The following FANCL variants were observed in gnomAD, a reference collection of about 807,000 sequenced individuals.
FANCL encodes E3 ubiquitin-protein ligase FANCL.
In FANCL, 69 loss-of-function variants were observed where a neutral mutation model predicts 59.4. That is an observed-to-expected ratio of 1.16 (90% CI 0.96 to 1.42). The LOEUF is 1.42. FANCL is among the 40% of genes most tolerant of loss of function. The pLI is 0.00. For synonymous variants in FANCL, 180 were observed against 147.1 expected (o/e 1.22, Z -1.62); for missense variants, 519 against 447.2 (o/e 1.16, Z -1.45).
rs150023740 is a variant in FANCL at position 58,186,206 on chromosome 2, A to G, written c.540+12388T>C. On this transcript the variant is annotated intron_variant, in intron 7 of 13. Transcript: ENST00000233741. Reference sequence around the variant, plus strand: ...AGTTATACTGCTTAGGAGGTCATATATAATTGCATAGGTTTTGTTCAATCT... The same window carrying G: ...AGTTATACTGCTTAGGAGGTCATATGTAATTGCATAGGTTTTGTTCAATCT... Among the ~76,000 whole-genome samples the G allele has an allele frequency of 1.8e-4, 28 of 152,342 alleles. No homozygotes were observed. In the East Asian group the frequency reaches 5.2e-3, roughly 28 times the overall value.
At chr2:58,162,499 T>A (rs986954712) in intron 11 of FANCL, among the ~76,000 whole-genome samples, 1 of 151,022 alleles carries the variant, frequency 6.6e-6, no homozygotes, top group African/African-American at 2.4e-5. Flanking sequence ...ATACACAGAT[T>A]TTTTTTTTAA....
intron 7 of FANCL, among the ~76,000 whole-genome samples, chr2:58,166,163 G>C (rs955058739): frequency 6.6e-6 from 1 of 151,628 alleles, no homozygotes; most frequent in African/African-American, 2.4e-5. Context: ...ATAGTAATGA[G>C]TACAAGATGT....
At position 58,217,145 on chromosome 2, in the gene FANCL, TTA is replaced by T. The variant is rs1230849426; in HGVS notation, c.374+4795_374+4796del. On this transcript the variant is annotated intron_variant, in intron 5 of 13. Transcript: ENST00000233741. The stretch of plus-strand genomic sequence containing the variant: ...TATATATATATTTTTATATATAGAT[TTA>T]TATATATATTTATATATTTTATATA... Among the ~76,000 whole-genome samples the T allele has an allele frequency of 7.4e-5, 5 of 67,628 alleles. No individual in the cohort carries two copies. In the East Asian group the frequency reaches 2.3e-3, roughly 31 times the overall value. The allele number at this position is 67,628 out of a possible 152,430, so 44.4% of individuals were successfully genotyped here.
chr2:58,167,977 G>GA (rs1293918762), intron 7 of FANCL, among the ~76,000 whole-genome samples: 4 of 151,404 alleles, frequency 2.6e-5, no homozygotes, highest in African/African-American at 4.9e-5. Context: ...TCCCCAAATT[G>GA]AAAAAAATAA....
At chr2:58,165,602 T>C in intron 8 of FANCL, 122 bp downstream of exon 8, 1 of 1,272,326 alleles carries the variant, frequency 7.9e-7, no homozygotes, top group Non-Finnish European at 1.1e-6. Flanking sequence ...AAGTTTATAC[T>C]AGAAAATTTT....
chr2:58,206,267 C>A (rs539794965), intron 5 of FANCL, among the ~76,000 whole-genome samples: 2 of 152,112 alleles, frequency 1.3e-5, no homozygotes, highest in South Asian at 2.1e-4. Flanking sequence ...TAGCTAAATT[C>A]TTTTTCATTA....
intron 7 of FANCL, among the ~76,000 whole-genome samples, chr2:58,172,927 C>T (rs1157750135): frequency 6.6e-6 from 1 of 152,110 alleles, no homozygotes; most frequent in Non-Finnish European, 1.5e-5. Flanking sequence ...ATAACCAATA[C>T]AGAGAAGTGC....
chr2:58,165,998 C>T, intron 7 of FANCL, 124 bp from the exon 8 acceptor site: 1 of 877,644 alleles, frequency 1.1e-6, no homozygotes, highest in Non-Finnish European at 1.8e-6. Context: ...AAGTAGACTC[C>T]AGTAAACAGT....
intron 5 of FANCL, among the ~76,000 whole-genome samples, chr2:58,212,297 T>C (rs1031293547): frequency 6.6e-6 from 1 of 152,192 alleles, no homozygotes; most frequent in Non-Finnish European, 1.5e-5. Context: ...CTAAGACTTA[T>C]TCATTACCAT....
intron 1 of FANCL, among the ~76,000 whole-genome samples, chr2:58,240,454 T>C (rs1694419602): frequency 6.6e-6 from 1 of 152,188 alleles, no homozygotes; most frequent in Admixed American, 6.5e-5. Flanking sequence ...CAGCCTGCGT[T>C]TAAGGGATTC....
chr2:58,223,363 T>C (rs1189198682), intron 4 of FANCL, among the ~76,000 whole-genome samples: 1 of 151,988 alleles, frequency 6.6e-6, no homozygotes, highest in Non-Finnish European at 1.5e-5. Context: ...AGTTATTAAA[T>C]AAAATGCATT....
Position 58,190,793 on chromosome 2 carries a change from C to T in FANCL, c.540+7801G>A, listed in dbSNP as rs145323530. Among the ~76,000 whole-genome samples, 422 of 152,000 alleles carry T rather than the reference C, an allele frequency of 2.8e-3. 3 individuals are homozygous for T. Among genetic ancestry groups the T allele is most frequent in the African/African-American group, 9.9e-3 (410 of 41,542 alleles). ...ATTAATTAATACTGTCTCAGTGTCT[C>T]TACTATTTACAAACTCCAATATTTT... On this transcript the variant is annotated intron_variant, in intron 7 of 13. Transcript: ENST00000233741.
chr2:58,193,697 A>T (rs1176321538), intron 7 of FANCL, among the ~76,000 whole-genome samples: 1 of 152,140 alleles, frequency 6.6e-6, no homozygotes. Context: ...CAGAGGAAAA[A>T]ATGGAAAGAA....
At chr2:58,207,538 C>T (rs1258168407) in intron 5 of FANCL, among the ~76,000 whole-genome samples, 2 of 152,288 alleles carry the variant, frequency 1.3e-5, no homozygotes, top group East Asian at 3.9e-4. Flanking sequence ...CTGCCTACCT[C>T]TGAATTGTTA....
At chr2:58,240,693 A>G (rs745923105) in intron 1 of FANCL, among the ~76,000 whole-genome samples, 1 of 152,218 alleles carries the variant, frequency 6.6e-6, no homozygotes, top group Non-Finnish European at 1.5e-5. Flanking sequence ...AATTAATTCC[A>G]TTGCTGTCAT....
At chr2:58,178,711 T>C (rs1687620918) in intron 7 of FANCL, among the ~76,000 whole-genome samples, 1 of 151,938 alleles carries the variant, frequency 6.6e-6, no homozygotes, top group South Asian at 2.1e-4. Flanking sequence ...TATTCAACAC[T>C]GTATTGGAAG....
At chr2:58,237,771 G>A (rs755910909) in intron 1 of FANCL, among the ~76,000 whole-genome samples, 9 of 152,144 alleles carry the variant, frequency 5.9e-5, no homozygotes, top group African/African-American at 1.9e-4. Flanking sequence ...ACCTCTAGGA[G>A]TTGGTGCCTA....
At chr2:58,207,132 T>C (rs540513650) in intron 5 of FANCL, among the ~76,000 whole-genome samples, 6 of 152,276 alleles carry the variant, frequency 3.9e-5, no homozygotes, top group African/African-American at 1.4e-4. Flanking sequence ...AAGTGATGTG[T>C]GCTTTTGGGG....
chr2:58,198,844 C>T lies in FANCL; in HGVS notation c.472-182G>A, dbSNP rs537097832. On this transcript the variant is annotated intron_variant, in intron 6 of 13. Transcript: ENST00000233741. Reference sequence around the variant, plus strand: ...GGAGATCGAGATCATCCTGGCTATACGGTGAAACCTCGCCTCTACTAAAAA... The same window carrying T: ...GGAGATCGAGATCATCCTGGCTATATGGTGAAACCTCGCCTCTACTAAAAA... Among the ~76,000 whole-genome samples, 11 of 151,964 alleles carry T rather than the reference C, an allele frequency of 7.2e-5. No individual in the cohort carries two copies. In the South Asian group the frequency reaches 1.7e-3, roughly 23 times the overall value.
Sources: gnomAD v4.1 joint callset for allele counts (sites outside exome capture counted in the v4.1 genomes callset) on GRCh38, gnomAD v4.1.1 for gene constraint, MANE v1.5 for transcripts, NCBI Gene and HGNC (gene_info 2026-07-23, HGNC 2026-07-21) for gene names.